The following FAM53A variants were observed in gnomAD, a reference collection of about 807,000 sequenced individuals.
The protein encoded by FAM53A is protein FAM53A.
In FAM53A, 28 loss-of-function variants were observed where a neutral mutation model predicts 26.6. The ratio of observed to expected loss-of-function variants is 1.05; its 90% CI spans 0.78 to 1.45. The LOEUF (loss-of-function observed/expected upper bound fraction) is 1.45, where lower values mean the gene tolerates loss of function less well. Among genes scored for constraint, FAM53A ranks in the 40% most tolerant of loss-of-function variants. The pLI, the probability that FAM53A is intolerant of heterozygous loss-of-function variation, is 0.00. For missense variants in FAM53A, 650 were observed against 575.8 expected (o/e 1.13, Z -1.32); for synonymous variants, 290 against 253.1 (o/e 1.15, Z -1.38).
intron 4 of FAM53A, among the ~76,000 whole-genome samples, chr4:1,654,440 G>C (rs1301709385): frequency 6.6e-6 from 1 of 152,240 alleles, no homozygotes; most frequent in Admixed American, 6.5e-5. Context: ...GTGGGTGAAG[G>C]CTCTCTCCTA....
intron 1 of FAM53A, among the ~76,000 whole-genome samples, chr4:1,680,822 G>A (rs926035594): frequency 2.6e-5 from 4 of 152,072 alleles, no homozygotes; most frequent in South Asian, 2.1e-4. Context: ...GGCTGCCAGG[G>A]GCCAGGGGTA....
intron 1 of FAM53A, among the ~76,000 whole-genome samples, chr4:1,624,930 A>AG (rs1340859752): frequency 3.0e-3 from 418 of 139,370 alleles, no homozygotes; most frequent in African/African-American, 0.012. Context: ...CCACGTGGTC[A>AG]GGGTCACGCC....
the FAM53A span, among the ~76,000 whole-genome samples, chr4:1,611,201 T>C: frequency 6.6e-6 from 1 of 152,162 alleles, no homozygotes; most frequent in African/African-American, 2.4e-5. Flanking sequence ...AGCGACACTG[T>C]GTGTGGCCTT....
intron 4 of FAM53A, among the ~76,000 whole-genome samples, chr4:1,643,630 A>G (rs1386931150): frequency 6.7e-6 from 1 of 148,858 alleles, no homozygotes; most frequent in Non-Finnish European, 1.5e-5. Flanking sequence ...GCAGAGGTGC[A>G]ATCATAGCTC....
At chr4:1,631,669 A>G (rs752859357) in intron 1 of FAM53A, among the ~76,000 whole-genome samples, 2 of 152,180 alleles carry the variant, frequency 1.3e-5, no homozygotes, top group Non-Finnish European at 1.5e-5. Context: ...GGAAAAAGCT[A>G]TAGAAACACT....
chr4:1,644,491 G>A (rs1255933738), intron 4 of FAM53A: 9 of 1,036,648 alleles, frequency 8.7e-6, no homozygotes, highest in South Asian at 5.3e-5. Flanking sequence ...GGCCACCCAC[G>A]CTGTAGAGAC....
At chr4:1,632,480 G>A (rs2108776990) in intron 1 of FAM53A, among the ~76,000 whole-genome samples, 1 of 152,238 alleles carries the variant, frequency 6.6e-6, no homozygotes, top group Middle Eastern at 3.4e-3. Flanking sequence ...TTCTGACATG[G>A]ACCCCCAAGA....
At position 1,672,279 on chromosome 4, in the gene FAM53A, A is replaced by ACGCACGGAC. The variant is rs1248149134; in HGVS notation, c.-164-3375_-164-3374insGTCCGTGCG. ...GACCCACAGACCCACAAACCCAGGAACCAGCCACCCACAGACCCAGGAACC... is the reference window on the plus strand; with the variant it reads ...GACCCACAGACCCACAAACCCAGGAACGCACGGACCCAGCCACCCACAGACCCAGGAACC... On this transcript the variant is annotated intron_variant, in intron 1 of 4. Transcript: ENST00000308132. 4.8e-5 allele frequency among the ~76,000 whole-genome samples: 7 copies of ACGCACGGAC among 145,788 alleles called. 1 individual carries two copies. The highest frequency in any genetic ancestry group is 7.9e-5 in the African/African-American group (3 of 37,938).
intron 2 of FAM53A, among the ~76,000 whole-genome samples, chr4:1,658,102 C>T (rs1231900509): frequency 2.7e-5 from 4 of 148,558 alleles, no homozygotes; most frequent in East Asian, 4.1e-4. Flanking sequence ...GCTCTGCCTC[C>T]CGGGTTCACG....
At chr4:1,625,629 C>G (rs1323857467) in intron 1 of FAM53A, among the ~76,000 whole-genome samples, 2 of 113,580 alleles carry the variant, frequency 1.8e-5, no homozygotes, top group Non-Finnish European at 3.9e-5. Context: ...GTCAGGGTCA[C>G]GCCAGGTGAT....
rs556962979 is a variant in FAM53A at position 1,629,879 on chromosome 4, C to T, written c.432-11768G>A. Among the ~76,000 whole-genome samples the T allele has an allele frequency of 3.9e-5, 6 of 152,250 alleles. No homozygotes were observed. In the East Asian group the frequency reaches 1.2e-3, roughly 29 times the overall value. On this transcript the variant is annotated intron_variant, in intron 1 of 1. Coordinates refer to the FAM53A transcript ENST00000489029. ...AGAGGGCTGGCCCAGCTCCACCACA[C>T]ACGGCCTCGCTGGGGACAGCCTGGG...
the FAM53A span, among the ~76,000 whole-genome samples, chr4:1,612,445 T>C: frequency 2.6e-5 from 4 of 151,744 alleles, no homozygotes; most frequent in South Asian, 2.1e-4. Flanking sequence ...GCTCGAGGGG[T>C]GTGCTCCGCC....
At chr4:1,665,621 G>A (rs1345122282) in intron 2 of FAM53A, among the ~76,000 whole-genome samples, 4 of 152,138 alleles carry the variant, frequency 2.6e-5, no homozygotes, top group African/African-American at 9.7e-5. Flanking sequence ...AACCATCTTC[G>A]ACAGCAACAG....
the FAM53A span, among the ~76,000 whole-genome samples, chr4:1,581,735 C>T: frequency 6.6e-6 from 1 of 152,168 alleles, no homozygotes; most frequent in Non-Finnish European, 1.5e-5. Flanking sequence ...ACTGGGATTA[C>T]AGGCACCCGC....
At chr4:1,654,554 G>C (rs1713148184) in intron 4 of FAM53A, among the ~76,000 whole-genome samples, 1 of 152,250 alleles carries the variant, frequency 6.6e-6, no homozygotes, top group African/African-American at 2.4e-5. Flanking sequence ...CCACAAGAGA[G>C]GACCCCGGGC....
intron 1 of FAM53A, among the ~76,000 whole-genome samples, chr4:1,677,352 G>A (rs901327747): frequency 5.3e-5 from 8 of 152,112 alleles, no homozygotes; most frequent in East Asian, 3.9e-4. Flanking sequence ...CGTGTCCCAC[G>A]CTTGCTGCTG....
upstream of FAM53A, among the ~76,000 whole-genome samples, chr4:1,685,139 G>C (rs1715733818): frequency 1.3e-5 from 2 of 152,214 alleles, no homozygotes; most frequent in Admixed American, 6.5e-5. Flanking sequence ...TGACGGCCAG[G>C]TGTGCTGGCC....
At chr4:1,668,550 G>A in intron 2 of FAM53A, 117 bp downstream of exon 2, 3 of 1,140,308 alleles carry the variant, frequency 2.6e-6, no homozygotes, top group Admixed American at 4.1e-5. Context: ...CCCTGGCCCA[G>A]CAGGGCCCCC....
chr4:1,655,971 C>T (rs1713348099), intron 3 of FAM53A, among the ~76,000 whole-genome samples: 1 of 152,114 alleles, frequency 6.6e-6, no homozygotes, highest in African/African-American at 2.4e-5. Context: ...GTGTCAGCCT[C>T]CCCACCGGTG....
Sources: allele counts gnomAD v4.1 joint callset (sites outside exome capture counted in the v4.1 genomes callset), GRCh38; gene constraint gnomAD v4.1.1; transcripts MANE v1.5; gene names NCBI Gene and HGNC (gene_info 2026-07-23, HGNC 2026-07-21).